FILIP1L: variants seen among roughly 807,000 people sequenced by gnomAD.
The protein encoded by FILIP1L is filamin A-interacting protein 1-like.
In FILIP1L, 55 loss-of-function variants were observed where a neutral mutation model predicts 96.6. The observed-to-expected ratio is 0.57, with a 90% CI of 0.46 to 0.71. The LOEUF (loss-of-function observed/expected upper bound fraction) is 0.71, where lower values mean the gene tolerates loss of function less well. Ranked by LOEUF, FILIP1L falls within the 30% of genes least tolerant of loss-of-function variation. FILIP1L has a pLI of 0.00. For synonymous variants in FILIP1L, 467 were observed against 473.9 expected (o/e 0.99, Z 0.19); for missense variants, 1,304 against 1,321.2 (o/e 0.99, Z 0.20).
chr3:100,023,551 T>C (rs2064863499), intron 1 of FILIP1L: 1 of 152,630 alleles, frequency 6.6e-6, no homozygotes, highest in Non-Finnish European at 1.5e-5. Flanking sequence ...AAACAGTTTC[T>C]TGGGGGGAGA....
chr3:99,963,681 G>A lies in FILIP1L; in HGVS notation c.-10-32651C>T, dbSNP rs555114827. ...GGCTGGAGTGCAGTGGCGTGATCTC[G>A]GTTCACTGCAGCCTCGCCTCCAGGG... On this transcript the variant is annotated intron_variant, in intron 1 of 5. Transcript: ENST00000477258. 4.6e-5 allele frequency among the ~76,000 whole-genome samples: 7 copies of A among 151,802 alleles called. No homozygotes were observed. In the East Asian group the frequency reaches 1.2e-3, roughly 25 times the overall value.
At chr3:99,975,373 G>A (rs4928232) in intron 1 of FILIP1L, among the ~76,000 whole-genome samples, 111,782 of 152,052 alleles carry the variant, frequency 0.74, 41,794 homozygotes, top group African/African-American at 0.88. Flanking sequence ...CAGACAGGCA[G>A]TGAATTCAAG....
At chr3:100,017,500 G>A (rs184885107) in intron 1 of FILIP1L, among the ~76,000 whole-genome samples, 167 of 152,314 alleles carry the variant, frequency 1.1e-3, no homozygotes, top group African/African-American at 3.8e-3. Flanking sequence ...CCTACCAAAT[G>A]AGAGTAAGCA....
intron 4 of FILIP1L, among the ~76,000 whole-genome samples, chr3:99,884,490 G>A (rs1441571073): frequency 5.3e-5 from 8 of 152,180 alleles, no homozygotes; most frequent in Non-Finnish European, 1.2e-4. Flanking sequence ...GGAAAGGGAA[G>A]GGAAAGGAAT....
chr3:99,848,079 G>A lies in FILIP1L; in HGVS notation c.3381+216C>T, dbSNP rs990535592. On this transcript the variant is annotated intron_variant, in intron 5 of 5. Transcript: ENST00000477258. ...ATATTTTCCATACAAGTATGTAAAT[G>A]AAAAGATATACAGTAAGTGCACACT... is the stretch of plus-strand genomic sequence containing the variant. 42 of 1,327,066 alleles carry A rather than the reference G, an allele frequency of 3.2e-5. No individual in the cohort carries two copies. In the Middle Eastern group the frequency reaches 1.1e-3, roughly 35 times the overall value. The allele number at this position is 1,327,066 out of a possible 1,614,324, so 82.2% of individuals were successfully genotyped here.
intron 4 of FILIP1L, among the ~76,000 whole-genome samples, chr3:99,903,030 C>T (rs1576560179): frequency 6.6e-6 from 1 of 152,114 alleles, no homozygotes; most frequent in Admixed American, 6.5e-5. Context: ...GGTCAAACTT[C>T]TGGGTTTAAT....
intron 4 of FILIP1L, among the ~76,000 whole-genome samples, chr3:99,868,193 G>A (rs140428223): frequency 6.6e-6 from 1 of 152,278 alleles, no homozygotes; most frequent in African/African-American, 2.4e-5. Context: ...AGATGAGTAA[G>A]ACATTTTTAG....
intron 1 of FILIP1L, among the ~76,000 whole-genome samples, chr3:99,956,600 G>A (rs149926867): frequency 0.011 from 1,712 of 152,276 alleles, 18 homozygotes; most frequent in African/African-American, 0.025. Flanking sequence ...ACCTGCCTCG[G>A]CCTTCCAAAG....
At chr3:100,104,278 A>T (rs1299987076) in intron 1 of FILIP1L, among the ~76,000 whole-genome samples, 1 of 152,160 alleles carries the variant, frequency 6.6e-6, no homozygotes, top group Non-Finnish European at 1.5e-5. Context: ...GGGATGGCTC[A>T]CCCTGACCTC....
At chr3:100,055,152 C>T (rs1238421765) in intron 1 of FILIP1L, among the ~76,000 whole-genome samples, 1 of 152,198 alleles carries the variant, frequency 6.6e-6, no homozygotes, top group Non-Finnish European at 1.5e-5. Flanking sequence ...CAGCTCCTAT[C>T]CCAATTCAGG....
intron 1 of FILIP1L, among the ~76,000 whole-genome samples, chr3:100,066,451 A>G (rs1029445179): frequency 2.0e-5 from 3 of 151,292 alleles, no homozygotes; most frequent in African/African-American, 4.9e-5. Context: ...GACTAAATAA[A>G]TGGTTTGAAT....
At chr3:100,014,749 AGAT>A (rs1463610010) in intron 1 of FILIP1L, among the ~76,000 whole-genome samples, 1 of 147,904 alleles carries the variant, frequency 6.8e-6, no homozygotes, top group Non-Finnish European at 1.5e-5. Context: ...ACCCTTTATC[AGAT>A]GATTGGTTCA....
intron 1 of FILIP1L, among the ~76,000 whole-genome samples, chr3:99,934,270 A>G (rs1707586374): frequency 6.6e-6 from 1 of 152,222 alleles, no homozygotes; most frequent in Non-Finnish European, 1.5e-5. Context: ...TTGCAAAGGA[A>G]TGGAAGGAAT....
At chr3:99,885,281 A>T (rs1026724779) in intron 4 of FILIP1L, among the ~76,000 whole-genome samples, 5 of 152,168 alleles carry the variant, frequency 3.3e-5, no homozygotes, top group Non-Finnish European at 5.9e-5. Flanking sequence ...TTGTAGGGCT[A>T]TTTCATGGGG....
At chr3:99,980,218 A>G (rs1013282119) in intron 1 of FILIP1L, among the ~76,000 whole-genome samples, 7 of 152,174 alleles carry the variant, frequency 4.6e-5, no homozygotes, top group African/African-American at 1.7e-4. Context: ...TTAAGAGTCT[A>G]GGAGCTGGTG....
intron 4 of FILIP1L, among the ~76,000 whole-genome samples, chr3:99,889,709 T>A (rs769895647): frequency 2.0e-5 from 3 of 152,058 alleles, no homozygotes; most frequent in Non-Finnish European, 4.4e-5. Context: ...ATACATACTG[T>A]ATTCCTATTC....
chr3:99,887,873 C>CT (rs1481697325), intron 4 of FILIP1L, among the ~76,000 whole-genome samples: 2 of 152,058 alleles, frequency 1.3e-5, no homozygotes, highest in Non-Finnish European at 2.9e-5. Context: ...TCCCAAGTAG[C>CT]TGGGACTACA....
At chr3:99,952,905 C>T (rs1203569638) in intron 1 of FILIP1L, among the ~76,000 whole-genome samples, 1 of 151,906 alleles carries the variant, frequency 6.6e-6, no homozygotes, top group African/African-American at 2.4e-5. Flanking sequence ...AGAGGTATAC[C>T]CCCAAAATGG....
chr3:99,983,510 G>GTA (rs1312874010), intron 1 of FILIP1L, among the ~76,000 whole-genome samples: 1 of 82,452 alleles, frequency 1.2e-5, no homozygotes, highest in African/African-American at 4.8e-5. Context: ...ATATATATAT[G>GTA]TATATATATA....
Sources: gnomAD v4.1 joint callset for allele counts (sites outside exome capture counted in the v4.1 genomes callset) on GRCh38, gnomAD v4.1.1 for gene constraint, MANE v1.5 for transcripts, NCBI Gene and HGNC (gene_info 2026-07-23, HGNC 2026-07-21) for gene names.